TENM3: variants seen among roughly 807,000 people sequenced by gnomAD.
The protein encoded by TENM3 is teneurin transmembrane protein 3, also known as teneurin-3.
TENM3 carries 63 observed loss-of-function variants against 255.1 expected under a neutral mutation model. The ratio of observed to expected loss-of-function variants is 0.25; its 90% CI spans 0.20 to 0.30. The LOEUF (loss-of-function observed/expected upper bound fraction) is 0.30. Among genes scored for constraint, TENM3 ranks in the 10% least tolerant of loss-of-function variants. The probability of loss-of-function intolerance (pLI) is 1.00; values close to 1 mark genes in which losing one functional copy is unlikely to be tolerated. For synonymous variants in TENM3, 1,306 were observed against 1,322.3 expected (o/e 0.99, Z 0.27); for missense variants, 2,929 against 3,461.1 (o/e 0.85, Z 3.86).
At chr4:181,877,358 G>A in the TENM3 span, among the ~76,000 whole-genome samples, 5 of 152,118 alleles carry the variant, frequency 3.3e-5, no homozygotes, top group Non-Finnish European at 5.9e-5. Flanking sequence ...TAAAAAATAA[G>A]GGTGGAAGAT....
At chr4:182,593,398 C>T (rs1482551284) in intron 3 of TENM3, among the ~76,000 whole-genome samples, 3 of 152,222 alleles carry the variant, frequency 2.0e-5, no homozygotes. Flanking sequence ...GCCTGTCCCT[C>T]TCTGTCCTTT....
the TENM3 span, among the ~76,000 whole-genome samples, chr4:181,479,228 C>A: frequency 6.6e-6 from 1 of 152,266 alleles, no homozygotes; most frequent in African/African-American, 2.4e-5. Context: ...TTATGAACAT[C>A]TTGAAAAATG....
chr4:181,910,957 C>T, the TENM3 span, among the ~76,000 whole-genome samples: 2 of 152,100 alleles, frequency 1.3e-5, no homozygotes, highest in African/African-American at 4.8e-5. Flanking sequence ...ATCAATGTTG[C>T]TGCAATGTGC....
intron 1 of TENM3, among the ~76,000 whole-genome samples, chr4:182,235,017 T>A (rs887102862): frequency 6.6e-6 from 1 of 151,764 alleles, no homozygotes; most frequent in African/African-American, 2.4e-5. Context: ...CAAAGCTGAG[T>A]CAGTCAGGGC....
chr4:182,473,795 C>CA (rs1733399371), intron 3 of TENM3, among the ~76,000 whole-genome samples: 1 of 151,642 alleles, frequency 6.6e-6, no homozygotes, highest in Non-Finnish European at 1.5e-5. Flanking sequence ...CCTGTCTCTA[C>CA]AAAAAATAAG....
At chr4:181,712,319 T>C in the TENM3 span, among the ~76,000 whole-genome samples, 1 of 152,144 alleles carries the variant, frequency 6.6e-6, no homozygotes, top group Non-Finnish European at 1.5e-5. Context: ...CATAAATGGT[T>C]TGGCGTCATC....
At position 182,799,664 on chromosome 4, in the gene TENM3, C is replaced by T. The variant is rs1766761567; in HGVS notation, c.7413C>T (p.Ala2471=). Residue 2471 remains alanine (A), a synonymous_variant, in exon 28 of 28, where the codon GCC becomes GCT. Coordinates refer to ENST00000511685, the MANE Select transcript of TENM3 (RefSeq NM_001080477.4). The surrounding 1 kb of genome is among the most constrained non-coding windows in gnomAD (Gnocchi z 4.2). The part of the protein sequence containing the change: ...AKAFLSLGKM[A]EVQVSRRRAG... ...CCTTCCTGTCGCTGGGGAAGATGGC[C>T]GAGGTGCAGGTGAGCCGGCGCCGGG... The T allele has an allele frequency of 6.5e-7, 1 of 1,548,386 alleles. No individual in the cohort carries two copies. The highest frequency in any genetic ancestry group is 2.4e-5 in the East Asian group (1 of 40,876).
intron 3 of TENM3, among the ~76,000 whole-genome samples, chr4:182,521,979 T>C (rs1286539995): frequency 1.3e-5 from 2 of 152,188 alleles, no homozygotes; most frequent in African/African-American, 4.8e-5. Context: ...TTATATGACG[T>C]TCTAACTCAG....
intron 3 of TENM3, among the ~76,000 whole-genome samples, chr4:182,375,833 C>T (rs957085967): frequency 7.2e-5 from 11 of 152,122 alleles, no homozygotes; most frequent in African/African-American, 2.4e-4. Context: ...TGTGAGCCAC[C>T]GCGCCCGGCT....
At chr4:181,753,347 C>T in the TENM3 span, among the ~76,000 whole-genome samples, 7 of 152,010 alleles carry the variant, frequency 4.6e-5, no homozygotes, top group Admixed American at 6.5e-5. Flanking sequence ...GCAACCTATG[C>T]CATTGAATCC....
chr4:182,047,775 T>C, the TENM3 span, among the ~76,000 whole-genome samples: 9 of 152,226 alleles, frequency 5.9e-5, no homozygotes, highest in East Asian at 1.6e-3. Context: ...TCATCTGCTA[T>C]GTATATGTCT....
chr4:182,174,148 A>T (rs1752291590), intron 1 of TENM3, among the ~76,000 whole-genome samples: 1 of 152,024 alleles, frequency 6.6e-6, no homozygotes, highest in African/African-American at 2.4e-5. Context: ...TATCTTGATG[A>T]CCAAATTATG....
At chr4:182,743,099 C>G in intron 18 of TENM3, 71 bp from the exon 19 acceptor site, 2 of 1,477,330 alleles carry the variant, frequency 1.4e-6, no homozygotes, top group East Asian at 4.6e-5. Flanking sequence ...TTAAAACAAT[C>G]ATGAACATGT....
the TENM3 span, among the ~76,000 whole-genome samples, chr4:181,786,127 C>G: frequency 6.6e-6 from 1 of 152,180 alleles, no homozygotes; most frequent in African/African-American, 2.4e-5. Flanking sequence ...AGAAAAATCC[C>G]GTCTAAGAGA....
At chr4:182,129,517 T>A in the TENM3 span, among the ~76,000 whole-genome samples, 1,595 of 152,196 alleles carry the variant, frequency 0.01, 14 homozygotes, top group African/African-American at 0.036. Flanking sequence ...CAGAACCACC[T>A]GGCTTGAAAG....
At chr4:181,901,999 G>A in the TENM3 span, among the ~76,000 whole-genome samples, 1 of 152,006 alleles carries the variant, frequency 6.6e-6, no homozygotes. Context: ...TTACAGGACT[G>A]GATAGTGTTA....
At chr4:182,121,290 G>A in the TENM3 span, among the ~76,000 whole-genome samples, 830 of 152,202 alleles carry the variant, frequency 5.5e-3, 5 homozygotes, top group African/African-American at 0.018. Flanking sequence ...GAGCCACCCC[G>A]CCTGGCCTCT....
At chr4:182,117,735 C>T in the TENM3 span, among the ~76,000 whole-genome samples, 2 of 152,164 alleles carry the variant, frequency 1.3e-5, no homozygotes, top group African/African-American at 2.4e-5. Flanking sequence ...TAGCATCAGT[C>T]CTCTGACTTT....
chr4:181,846,521 TTTTGAAGATTATTAAGAGAAAATGATTA>T, the TENM3 span, among the ~76,000 whole-genome samples: 1 of 152,196 alleles, frequency 6.6e-6, no homozygotes, highest in Non-Finnish European at 1.5e-5. Flanking sequence ...TGGTTCAATT[TTTTGAAGATTATTAAGAGAAAATGATTA>T]TTTGAAGATT....
Sources: gnomAD v4.1 joint callset for allele counts (sites outside exome capture counted in the v4.1 genomes callset) on GRCh38, gnomAD v4.1.1 for gene constraint, Gnocchi (gnomAD v3.1) non-coding constraint, MANE v1.5 for transcripts, NCBI Gene and HGNC (gene_info 2026-07-23, HGNC 2026-07-21) for gene names.